Variants in MYH10 observed in about 807,000 individuals in gnomAD.
MYH10 encodes myosin heavy chain 10.
Under a neutral mutation model 257.8 loss-of-function variants are expected in MYH10, and 55 were observed. The observed-to-expected ratio is 0.21, with a 90% CI of 0.17 to 0.27. The LOEUF (loss-of-function observed/expected upper bound fraction) is 0.27. Among genes scored for constraint, MYH10 ranks in the 10% least tolerant of loss-of-function variants. The pLI, the probability that MYH10 is intolerant of heterozygous loss-of-function variation, is 1.00. For missense variants in MYH10, 1,631 were observed against 2,500.6 expected (o/e 0.65, Z 7.42); for synonymous variants, 854 against 921.7 (o/e 0.93, Z 1.33).
At chr17:8,561,270 GC>G in intron 7 of MYH10, 1 of 1,003,646 alleles carries the variant, frequency 1.0e-6, no homozygotes, top group Non-Finnish European at 1.6e-6. Context: ...GCTGAAAAGG[GC>G]CGCGGCCACG....
chr17:8,511,229 C>T (rs1024394509), intron 24 of MYH10: 2 of 151,930 alleles, frequency 1.3e-5, no homozygotes, highest in Non-Finnish European at 2.9e-5. Flanking sequence ...TTAAACAAAA[C>T]AAAACCCAGG....
rs764545584 is a variant in MYH10 at position 8,504,727 on chromosome 17, G to A, written c.3566C>T (p.Thr1189Met). 2 of 1,614,104 alleles carry A rather than the reference G, an allele frequency of 1.2e-6. No individual in the cohort carries two copies. Among genetic ancestry groups the A allele is most frequent in the Non-Finnish European group, 1.7e-6 (2 of 1,180,018 alleles). The change falls in exon 28 of 43, where the codon ACG becomes ATG. Residue 1189 changes from threonine (T) to methionine (M), a missense_variant. Transcript: ENST00000360416. This position sits in a 1 kb window ranked among gnomAD's most constrained non-coding sequence, Gnocchi z 5.6. The stretch of plus-strand genomic sequence containing the variant: ...CTGCTGGGCTGCCGTGGTGTCCAGC[G>A]TGTCCTCCAGCTCTGTTTTCAGAGC... ...LEALKTELED[T>M]LDTTAAQQEL...
chr17:8,624,684 T>C (rs1473670141), intron 1 of MYH10, among the ~76,000 whole-genome samples: 4 of 152,240 alleles, frequency 2.6e-5, no homozygotes. Flanking sequence ...CGTGTGTATA[T>C]ATGTGCTATA....
intron 7 of MYH10, among the ~76,000 whole-genome samples, chr17:8,567,203 A>T (rs2083191691): frequency 6.6e-6 from 1 of 152,170 alleles, no homozygotes; most frequent in South Asian, 2.1e-4. Flanking sequence ...GATCCAGGAG[A>T]GTGACGGAAA....
At chr17:8,517,498 G>A (rs760650646) in intron 21 of MYH10, among the ~76,000 whole-genome samples, 5 of 152,184 alleles carry the variant, frequency 3.3e-5, no homozygotes, top group Non-Finnish European at 5.9e-5. Context: ...TCCCAAACCC[G>A]AAGTGTTCAG....
At chr17:8,614,685 A>G (rs576103986) in intron 2 of MYH10, among the ~76,000 whole-genome samples, 21 of 152,286 alleles carry the variant, frequency 1.4e-4, no homozygotes, top group Admixed American at 1.0e-3. Context: ...ACTGAATGCT[A>G]ATAAAAATGC....
At chr17:8,565,290 T>C (rs1229660442) in intron 7 of MYH10, among the ~76,000 whole-genome samples, 2 of 152,264 alleles carry the variant, frequency 1.3e-5, no homozygotes, top group African/African-American at 4.8e-5. Flanking sequence ...TTACACAGAA[T>C]TGAATTTAAA....
chr17:8,602,274 G>A (rs903229268), intron 3 of MYH10, among the ~76,000 whole-genome samples: 15 of 152,140 alleles, frequency 9.9e-5, no homozygotes, highest in Admixed American at 2.0e-4. Context: ...CACCGTGCCC[G>A]GCCAAGAAAC....
chr17:8,630,038 T>C (rs974096401), intron 1 of MYH10, among the ~76,000 whole-genome samples: 3 of 151,810 alleles, frequency 2.0e-5, no homozygotes, highest in Admixed American at 1.3e-4. Flanking sequence ...TCCAAGCCCA[T>C]GGTGAACCCC....
intron 3 of MYH10, among the ~76,000 whole-genome samples, chr17:8,592,348 T>C (rs1184230082): frequency 6.6e-6 from 1 of 151,808 alleles, no homozygotes; most frequent in South Asian, 2.1e-4. Flanking sequence ...AAAAAATCAA[T>C]GAAACCAAAT....
At position 8,492,203 on chromosome 17, in the gene MYH10, A is replaced by T. The variant is rs1915871528; in HGVS notation, c.4671+94T>A. The T allele has an allele frequency of 6.3e-6, 8 of 1,274,312 alleles. No individual in the cohort carries two copies. In the East Asian group the frequency reaches 1.6e-4, roughly 26 times the overall value. The allele number at this position is 1,274,312 out of a possible 1,614,324, so 78.9% of individuals were successfully genotyped here. On this transcript the variant is annotated intron_variant, in intron 34 of 42. Transcript: ENST00000360416. ...TGGGCTGTGCATTCCCAGGTCCTTC[A>T]GGCTCCCCTGAGGAGTCGCCCGCTC...
At chr17:8,540,058 C>T (rs1056369243) in intron 14 of MYH10, among the ~76,000 whole-genome samples, 8 of 152,192 alleles carry the variant, frequency 5.3e-5, no homozygotes, top group Middle Eastern at 3.2e-3. Context: ...GGTGCAATCT[C>T]GGCTCACTGC....
intron 37 of MYH10, among the ~76,000 whole-genome samples, chr17:8,483,244 A>G (rs967496645): frequency 6.6e-6 from 1 of 152,236 alleles, no homozygotes; most frequent in African/African-American, 2.4e-5. Context: ...ACAGTCTTTT[A>G]TAAACATATC....
In MYH10 at chr17:8,477,701, C is replaced by T. The variant is rs867331903; in HGVS notation, c.5706+637G>A. On this transcript the variant is annotated intron_variant, in intron 41 of 42. Coordinates refer to ENST00000360416, the MANE Select transcript of MYH10 (RefSeq NM_001256012.3). The surrounding 1 kb of genome is among the most constrained non-coding windows in gnomAD (Gnocchi z 4.2). ...TGAATGAATGAAGTTGGGGAGGGTT[C>T]GGGCCAAAGGCAGTGAAATCCTCAG... Among the ~76,000 whole-genome samples the T allele has an allele frequency of 6.6e-6, 1 of 152,148 alleles. No homozygotes were observed. The highest frequency in any genetic ancestry group is 1.9e-4 in the East Asian group (1 of 5,196).
At chr17:8,588,460 C>T (rs10852901) in intron 4 of MYH10, among the ~76,000 whole-genome samples, 104,731 of 152,080 alleles carry the variant, frequency 0.69, 36,129 homozygotes, top group East Asian at 0.77. Context: ...CTCTTAGCTC[C>T]TTTTTCTTAT....
chr17:8,570,475 A>G (rs951187333), intron 6 of MYH10, among the ~76,000 whole-genome samples: 2 of 152,238 alleles, frequency 1.3e-5, no homozygotes, highest in Non-Finnish European at 2.9e-5. Context: ...GTGGAAATAT[A>G]TTAATACGTA....
chr17:8,622,419 T>G (rs2085501991), intron 2 of MYH10, among the ~76,000 whole-genome samples: 1 of 152,196 alleles, frequency 6.6e-6, no homozygotes, highest in African/African-American at 2.4e-5. Flanking sequence ...TTGTTTCCTC[T>G]TAAAAACCTC....
intron 7 of MYH10, among the ~76,000 whole-genome samples, chr17:8,559,960 C>T (rs984426542): frequency 7.2e-5 from 11 of 152,198 alleles, no homozygotes; most frequent in African/African-American, 2.2e-4. Flanking sequence ...ACACGGCCAA[C>T]GTGACTGCCT....
intron 13 of MYH10, among the ~76,000 whole-genome samples, chr17:8,543,947 C>T (rs2082369944): frequency 6.6e-6 from 1 of 152,186 alleles, no homozygotes; most frequent in Admixed American, 6.5e-5. Flanking sequence ...CAACCAGTAT[C>T]TCCTATTTTT....
Sources: allele counts gnomAD v4.1 joint callset (sites outside exome capture counted in the v4.1 genomes callset), GRCh38; gene constraint gnomAD v4.1.1; non-coding constraint Gnocchi (gnomAD v3.1); transcripts MANE v1.5; gene names NCBI Gene and HGNC (gene_info 2026-07-23, HGNC 2026-07-21).